MTA3: variants seen among roughly 807,000 people sequenced by gnomAD.
MTA3 encodes metastasis associated 1 family member 3, also known as metastasis-associated protein MTA3.
MTA3 carries 34 observed loss-of-function variants against 83.5 expected under a neutral mutation model. The ratio of observed to expected loss-of-function variants is 0.41; its 90% CI spans 0.31 to 0.54. The LOEUF (loss-of-function observed/expected upper bound fraction) is 0.54, where lower values mean the gene tolerates loss of function less well. Ranked by LOEUF, MTA3 falls within the 20% of genes least tolerant of loss-of-function variation. The probability of loss-of-function intolerance (pLI) is 0.33; values close to 1 mark genes in which losing one functional copy is unlikely to be tolerated. For missense variants in MTA3, 761 were observed against 726.4 expected, an observed-to-expected ratio of 1.05 and a Z score of -0.55; for synonymous variants, 303 against 252.7, an observed-to-expected ratio of 1.20 and a Z score of -1.89.
intron 15 of MTA3, among the ~76,000 whole-genome samples, chr2:42,720,543 G>A (rs544477195): frequency 6.6e-6 from 1 of 152,130 alleles, no homozygotes; most frequent in Admixed American, 6.5e-5. Flanking sequence ...AATGTCACAT[G>A]GTTATTGTAC....
intron 4 of MTA3, among the ~76,000 whole-genome samples, chr2:42,632,542 G>A (rs762279364): frequency 2.8e-4 from 43 of 152,116 alleles, no homozygotes; most frequent in Non-Finnish European, 4.3e-4. Flanking sequence ...TGACTTTTTG[G>A]AACATTTCAC....
Position 42,755,324 on chromosome 2 carries a change from C to T in MTA3, c.*1925C>T, listed in dbSNP as rs1670169792. The T allele has an allele frequency of 2.0e-6, 2 of 985,364 alleles. No homozygotes were observed. The highest frequency in any genetic ancestry group is 1.7e-5 in the African/African-American group (1 of 57,224). 61.0% of individuals were successfully genotyped at this position (985,364 alleles called of 1,614,324 possible). On this transcript the variant is annotated 3_prime_UTR_variant, in exon 17 of 17. Coordinates refer to ENST00000405094, the MANE Select transcript of MTA3 (RefSeq NM_001330442.2). ...AAACAATTAGCTGCCCGTGACTCAG[C>T]TGCCAGCTTCATTTTCTCTGCCTTT...
intron 9 of MTA3, among the ~76,000 whole-genome samples, chr2:42,686,435 T>C (rs375088178): frequency 4.6e-5 from 7 of 152,078 alleles, no homozygotes; most frequent in African/African-American, 1.7e-4. Context: ...ACCTGAAATC[T>C]CAGCACTTTG....
intron 15 of MTA3, among the ~76,000 whole-genome samples, chr2:42,722,632 C>T (rs1667505040): frequency 6.6e-6 from 1 of 152,036 alleles, no homozygotes. Context: ...TCTGAAGTGG[C>T]TTTTTGTTTT....
intron 9 of MTA3, among the ~76,000 whole-genome samples, chr2:42,686,339 T>C (rs1213931235): frequency 6.6e-6 from 1 of 152,222 alleles, no homozygotes; most frequent in Non-Finnish European, 1.5e-5. Flanking sequence ...TTCACTCCTT[T>C]ACAGTTTTTT....
intron 2 of MTA3, among the ~76,000 whole-genome samples, chr2:42,496,179 G>C (rs1163367683): frequency 1.3e-5 from 2 of 152,102 alleles, no homozygotes; most frequent in Non-Finnish European, 2.9e-5. Flanking sequence ...AATTACATTT[G>C]AGCTTAGAAA....
At chr2:42,555,750 A>G (rs1297581702) in intron 2 of MTA3, among the ~76,000 whole-genome samples, 2 of 151,892 alleles carry the variant, frequency 1.3e-5, no homozygotes, top group African/African-American at 4.8e-5. Context: ...CCTGCGCAAC[A>G]GAGCGAGACT....
At chr2:42,687,211 A>G (rs1313448384) in intron 9 of MTA3, among the ~76,000 whole-genome samples, 1 of 152,196 alleles carries the variant, frequency 6.6e-6, no homozygotes, top group Non-Finnish European at 1.5e-5. Context: ...TTTATAGTCA[A>G]CAATACCCTA....
chr2:42,549,437 A>G (rs1344370859), intron 2 of MTA3, among the ~76,000 whole-genome samples: 2 of 67,554 alleles, frequency 3.0e-5, no homozygotes, highest in Non-Finnish European at 4.9e-5. Context: ...TATAATATAT[A>G]CGTATACATA....
intron 14 of MTA3, among the ~76,000 whole-genome samples, chr2:42,716,293 G>C (rs1265029128): frequency 6.6e-6 from 1 of 152,188 alleles, no homozygotes; most frequent in African/African-American, 2.4e-5. Flanking sequence ...GCTCTCTGCA[G>C]TATGTGCTTT....
chr2:42,648,266 T>C (rs530559920), intron 6 of MTA3, among the ~76,000 whole-genome samples: 2 of 152,350 alleles, frequency 1.3e-5, no homozygotes, highest in East Asian at 3.9e-4. Flanking sequence ...CATATGTAGC[T>C]AGTACCTGAT....
At chr2:42,610,314 A>T (rs1345509320) in intron 4 of MTA3, among the ~76,000 whole-genome samples, 1 of 152,152 alleles carries the variant, frequency 6.6e-6, no homozygotes, top group Non-Finnish European at 1.5e-5. Context: ...ACCTTATAGG[A>T]TATATGGCTT....
intron 3 of MTA3, among the ~76,000 whole-genome samples, chr2:42,589,392 G>T (rs1680704710): frequency 6.6e-6 from 1 of 152,094 alleles, no homozygotes; most frequent in African/African-American, 2.4e-5. Flanking sequence ...AATTTGTTCA[G>T]TTGTGGAAAA....
rs1258938221 is a variant in MTA3 at position 42,661,289 on chromosome 2, A to G, written c.702+1427A>G. On this transcript the variant is annotated intron_variant, in intron 8 of 16. Transcript: ENST00000405094. ...TGAGGCCAGTGGATTGCTTGAGCTC[A>G]GGAGTTTGATACCAAGGTGGGCAAC... 3.3e-5 allele frequency among the ~76,000 whole-genome samples: 5 copies of G among 152,096 alleles called. 1 individual carries two copies. Among genetic ancestry groups the G allele is most frequent in the Admixed American group, 2.0e-4 (3 of 15,244 alleles).
intron 9 of MTA3, among the ~76,000 whole-genome samples, chr2:42,686,649 A>C (rs1573618330): frequency 6.6e-6 from 1 of 152,090 alleles, no homozygotes; most frequent in South Asian, 2.1e-4. Flanking sequence ...ACATGGTGAA[A>C]CCCTGTGTCT....
At chr2:42,609,394 G>A in intron 3 of MTA3, 64 bp from the exon 4 acceptor site, 3 of 1,499,172 alleles carry the variant, frequency 2.0e-6, no homozygotes, top group East Asian at 4.6e-5. Flanking sequence ...GATTTGATCT[G>A]TTTCAATATC....
intron 6 of MTA3, among the ~76,000 whole-genome samples, chr2:42,652,434 A>G (rs1333112962): frequency 6.6e-6 from 1 of 152,100 alleles, no homozygotes; most frequent in Non-Finnish European, 1.5e-5. Flanking sequence ...GTGTTTATTG[A>G]TCTCAGAATA....
At chr2:42,628,311 A>G (rs1408290497) in intron 4 of MTA3, among the ~76,000 whole-genome samples, 4 of 151,132 alleles carry the variant, frequency 2.6e-5, no homozygotes, top group East Asian at 1.9e-4. Context: ...GCTCACTGCA[A>G]CCTCCACCTC....
At position 42,755,000 on chromosome 2, in the gene MTA3, G is replaced by T; in HGVS notation, c.*1601G>T. 1 of 985,684 alleles carries T rather than the reference G, an allele frequency of 1.0e-6. No individual in the cohort carries two copies. The highest frequency in any genetic ancestry group is 1.2e-6 in the Non-Finnish European group (1 of 830,160). 61.1% of individuals were successfully genotyped at this position (985,684 alleles called of 1,614,324 possible). A position where few individuals can be genotyped will look rare whatever the true frequency, so the allele number is the denominator to read the frequency against. On this transcript the variant is annotated 3_prime_UTR_variant, in exon 17 of 17. Coordinates refer to ENST00000405094, the MANE Select transcript of MTA3 (RefSeq NM_001330442.2). ...CACCACCCACTCTTGGAGCTGTGCT[G>T]GGTCTTGGCTTGGGGCGCTGAGGGT...
Sources: gnomAD v4.1 joint callset for allele counts (sites outside exome capture counted in the v4.1 genomes callset) on GRCh38, gnomAD v4.1.1 for gene constraint, MANE v1.5 for transcripts, NCBI Gene and HGNC (gene_info 2026-07-23, HGNC 2026-07-21) for gene names.